The following ZFP14 variants were observed in gnomAD, a reference collection of about 807,000 sequenced individuals.
ZFP14 encodes ZFP14 zinc finger protein, also known as zinc finger protein 14 homolog.
Under a neutral mutation model 54.5 loss-of-function variants are expected in ZFP14, and 22 were observed. The ratio of observed to expected loss-of-function variants is 0.40; its 90% CI spans 0.29 to 0.58. The LOEUF is 0.58. Among genes scored for constraint, ZFP14 ranks in the 20% least tolerant of loss-of-function variants. The pLI is 0.39. For synonymous variants in ZFP14, 159 were observed against 204.0 expected (o/e 0.78, Z 1.88); for missense variants, 470 against 637.8 (o/e 0.74, Z 2.83).
At chr19:36,374,427 T>G (rs938590455) in intron 1 of ZFP14, among the ~76,000 whole-genome samples, 3 of 149,776 alleles carry the variant, frequency 2.0e-5, no homozygotes, top group Admixed American at 6.7e-5. Flanking sequence ...GAGACGGAGG[T>G]TGCAATGAGC....
At chr19:36,361,864 T>C (rs2031716307) in intron 3 of ZFP14, among the ~76,000 whole-genome samples, 1 of 152,172 alleles carries the variant, frequency 6.6e-6, no homozygotes, top group Admixed American at 6.5e-5. Context: ...TCTGGTTTCT[T>C]GAACAATGCT....
Position 36,336,853 on chromosome 19 carries a change from C to G in ZFP14, c.*3371G>C, listed in dbSNP as rs2031209973. On this transcript the variant is annotated 3_prime_UTR_variant, in exon 5 of 5. Coordinates refer to ENST00000270001, the MANE Select transcript of ZFP14 (RefSeq NM_020917.3). ...CATTTTATTATTGAAATTTCAAACA[C>G]ATACAAAAGTAGAAATATTAGAACA... 6.6e-6 allele frequency: 1 copy of G among 152,062 alleles called. No individual in the cohort carries two copies. Among genetic ancestry groups the G allele is most frequent in the Admixed American group, 6.5e-5 (1 of 15,276 alleles). The allele number at this position is 152,062 out of a possible 1,614,324, so 9.4% of individuals were successfully genotyped here.
intron 1 of ZFP14, among the ~76,000 whole-genome samples, chr19:36,373,198 A>T (rs535938544): frequency 7.9e-5 from 12 of 151,618 alleles, no homozygotes; most frequent in African/African-American, 2.9e-4. Flanking sequence ...AATCACTTGA[A>T]CCCGGGAGGC....
chr19:36,366,882 A>T (rs1202089961), intron 2 of ZFP14, among the ~76,000 whole-genome samples: 1 of 152,122 alleles, frequency 6.6e-6, no homozygotes, highest in Non-Finnish European at 1.5e-5. Flanking sequence ...GGCCAGGTGC[A>T]GTGGCTCATA....
intron 1 of ZFP14, chr19:36,378,922 G>A (rs1266867821): frequency 6.6e-6 from 1 of 152,436 alleles, no homozygotes; most frequent in African/African-American, 2.4e-5. Flanking sequence ...CAGTTCTTCA[G>A]ACTGCGTCTT....
intron 4 of ZFP14, among the ~76,000 whole-genome samples, chr19:36,351,113 A>C (rs1012872794): frequency 3.5e-5 from 5 of 143,790 alleles, no homozygotes; most frequent in Admixed American, 1.4e-4. Context: ...AGCACTGTAA[A>C]AGGTAAATGT....
At position 36,337,892 on chromosome 19, in the gene ZFP14, A is replaced by T. The variant is rs567032241; in HGVS notation, c.*2332T>A. ...TTAGTTGTAGTACCCATTGAAGATC[A>T]TGTTTTCTGGACCCATTATTCCATT... is the stretch of plus-strand genomic sequence containing the variant. On this transcript the variant is annotated 3_prime_UTR_variant, in exon 5 of 5. Transcript: ENST00000270001. 6.6e-6 allele frequency: 1 copy of T among 152,284 alleles called. No homozygotes were observed. Among genetic ancestry groups the T allele is most frequent in the African/African-American group, 2.4e-5 (1 of 41,554 alleles). The allele number at this position is 152,284 out of a possible 1,614,324, so 9.4% of individuals were successfully genotyped here.
chr19:36,368,977 G>A (rs1445290384), intron 1 of ZFP14, among the ~76,000 whole-genome samples: 1 of 152,112 alleles, frequency 6.6e-6, no homozygotes, highest in African/African-American at 2.4e-5. Flanking sequence ...CTGAGTACAG[G>A]TACATGCCAC....
At chr19:36,364,466 G>A (rs1414542644) in intron 2 of ZFP14, among the ~76,000 whole-genome samples, 3 of 152,128 alleles carry the variant, frequency 2.0e-5, no homozygotes, top group African/African-American at 4.8e-5. Flanking sequence ...GGTTGAGGAC[G>A]ACGAGGGGTG....
intron 4 of ZFP14, among the ~76,000 whole-genome samples, chr19:36,345,310 C>G (rs573562903): frequency 6.6e-6 from 1 of 152,264 alleles, no homozygotes; most frequent in African/African-American, 2.4e-5. Flanking sequence ...CATGTGTGGT[C>G]CTATCCATTC....
Position 36,348,883 on chromosome 19 carries a change from T to C in ZFP14, c.236-7293A>G, listed in dbSNP as rs2031464267. ...GAGGTGGAACTTAAGCTGGCTTGTA[T>C]TTTTTTTATCAATGCTCTGACTCTG... On this transcript the variant is annotated intron_variant, in intron 4 of 4. Coordinates refer to ENST00000270001, the MANE Select transcript of ZFP14 (RefSeq NM_020917.3). Among the ~76,000 whole-genome samples, 3 of 151,712 alleles carry C rather than the reference T, an allele frequency of 2.0e-5. No homozygotes were observed. In the South Asian group the frequency reaches 6.2e-4, roughly 32 times the overall value.
At chr19:36,351,603 G>A (rs1048559114) in intron 4 of ZFP14, among the ~76,000 whole-genome samples, 2 of 143,758 alleles carry the variant, frequency 1.4e-5, no homozygotes, top group African/African-American at 2.5e-5. Context: ...GCTTACGCCT[G>A]TAATCACAGT....
intron 3 of ZFP14, 48 bp from the exon 4 acceptor site, chr19:36,360,581 T>C (rs756709937): frequency 9.8e-6 from 15 of 1,526,602 alleles, no homozygotes; most frequent in South Asian, 2.4e-5. Context: ...AGAAAATCTT[T>C]AGATTTAGAT....
At chr19:36,377,203 CAA>C (rs949325146) in intron 1 of ZFP14, among the ~76,000 whole-genome samples, 10 of 152,202 alleles carry the variant, frequency 6.6e-5, no homozygotes, top group African/African-American at 2.4e-4. Context: ...CGGTGGGGAT[CAA>C]AGAGACCTAG....
intron 4 of ZFP14, among the ~76,000 whole-genome samples, chr19:36,345,802 T>C (rs1033725210): frequency 6.6e-6 from 1 of 152,062 alleles, no homozygotes; most frequent in Non-Finnish European, 1.5e-5. Context: ...CTATGAAATA[T>C]AGCTACAGAT....
chr19:36,366,518 T>C (rs1258264745), intron 2 of ZFP14, among the ~76,000 whole-genome samples: 3 of 152,060 alleles, frequency 2.0e-5, no homozygotes, highest in African/African-American at 7.2e-5. Context: ...GGTTTTGCCT[T>C]GTTGCCCGGG....
intron 4 of ZFP14, among the ~76,000 whole-genome samples, chr19:36,348,515 G>A (rs1161944520): frequency 1.3e-5 from 2 of 152,004 alleles, no homozygotes; most frequent in Non-Finnish European, 2.9e-5. Context: ...TGTTTGTTTG[G>A]AGATGAAGTC....
chr19:36,375,825 G>A (rs1486618690), intron 1 of ZFP14, among the ~76,000 whole-genome samples: 2 of 152,004 alleles, frequency 1.3e-5, no homozygotes, highest in Non-Finnish European at 2.9e-5. Context: ...CCAAAGTGCT[G>A]GGATTACAGG....
At position 36,340,773 on chromosome 19, in the gene ZFP14, T is replaced by G; in HGVS notation, c.1053A>C (p.Ile351=). The change falls in exon 5 of 5, where the codon ATA becomes ATC. Residue 351 remains isoleucine (I), a synonymous_variant. Coordinates refer to ENST00000270001, the MANE Select transcript of ZFP14 (RefSeq NM_020917.3). This position sits in a 1 kb window ranked among gnomAD's most constrained non-coding sequence, Gnocchi z 5.4. ...ECKECGKAFR[I]CQQLTVHQSI... The stretch of plus-strand genomic sequence containing the variant: ...TCTGATGAACAGTAAGTTGTTGGCA[T>G]ATTCTAAAAGCCTTTCCACACTCCT... The G allele has an allele frequency of 6.2e-7, 1 of 1,613,746 alleles. No individual in the cohort carries two copies. Among genetic ancestry groups the G allele is most frequent in the Non-Finnish European group, 8.5e-7 (1 of 1,179,920 alleles).
Sources: allele counts gnomAD v4.1 joint callset (sites outside exome capture counted in the v4.1 genomes callset), GRCh38; gene constraint gnomAD v4.1.1; non-coding constraint Gnocchi (gnomAD v3.1); transcripts MANE v1.5; gene names NCBI Gene and HGNC (gene_info 2026-07-23, HGNC 2026-07-21).